PI4KA: variants seen among roughly 807,000 people sequenced by gnomAD.
PI4KA encodes PI4-kinase alpha.
Under a neutral mutation model 271.4 loss-of-function variants are expected in PI4KA, and 122 were observed. That is an observed-to-expected ratio of 0.45 (90% CI 0.39 to 0.52). The LOEUF is 0.52. PI4KA is among the 20% of genes least tolerant of loss of function. The pLI, the probability that PI4KA is intolerant of heterozygous loss-of-function variation, is 0.00. For synonymous variants in PI4KA, 1,041 were observed against 1,078.8 expected, an observed-to-expected ratio of 0.96 and a Z score of 0.69; for missense variants, 1,969 against 2,769.1, an observed-to-expected ratio of 0.71 and a Z score of 6.48.
At chr22:20,846,042 G>A (rs1480098029) in intron 1 of PI4KA, among the ~76,000 whole-genome samples, 1 of 151,648 alleles carries the variant, frequency 6.6e-6, no homozygotes, top group East Asian at 1.9e-4. Flanking sequence ...CGGATCAGGA[G>A]GTCAGGAGAT....
At chr22:20,743,001 A>G (rs951190473) in intron 30 of PI4KA, 3 of 539,338 alleles carry the variant, frequency 5.6e-6, no homozygotes, top group African/African-American at 3.8e-5. Flanking sequence ...ACCACTGCAG[A>G]TGTTCCCCAA....
chr22:20,734,819 C>T (rs1928518724), intron 32 of PI4KA, among the ~76,000 whole-genome samples: 1 of 152,100 alleles, frequency 6.6e-6, no homozygotes, highest in African/African-American at 2.4e-5. Flanking sequence ...GAGGTGGCAG[C>T]ACCCGGGATG....
intron 13 of PI4KA, among the ~76,000 whole-genome samples, chr22:20,802,901 G>C (rs1280747204): frequency 1.3e-5 from 2 of 152,154 alleles, no homozygotes; most frequent in African/African-American, 2.4e-5. Context: ...GCAGGGACTG[G>C]GCCCCTGGCT....
rs1367218096 is a variant in PI4KA, at chr22:20,729,950, T to C, written c.4350A>G (p.Gln1450=). 1 of 1,614,160 alleles carries C rather than the reference T, an allele frequency of 6.2e-7. No homozygotes were observed. The highest frequency in any genetic ancestry group is 8.5e-7 in the Non-Finnish European group (1 of 1,180,010). The change falls in exon 37 of 55, where the codon CAA becomes CAG. Residue 1450 remains glutamine (Q), a synonymous_variant. Transcript: ENST00000255882. The stretch of plus-strand genomic sequence containing the variant: ...ACAGGGGGTATGTGTTGATCCAGCC[T>C]TGGGTGGCTTGTTGCCGAGAGCCGA... ...ITVGSRQQAT[Q]GWINTYPLSS...
chr22:20,781,403 T>C (rs1444712518), intron 19 of PI4KA, among the ~76,000 whole-genome samples: 1 of 152,204 alleles, frequency 6.6e-6, no homozygotes, highest in Non-Finnish European at 1.5e-5. Context: ...CAAAGGGCAG[T>C]ACTTGGAGGC....
At chr22:20,756,431 G>C (rs1351933874) in intron 23 of PI4KA, among the ~76,000 whole-genome samples, 1 of 152,050 alleles carries the variant, frequency 6.6e-6, no homozygotes, top group Admixed American at 6.6e-5. Context: ...TGTTGGTCAG[G>C]CTGGTCTCAA....
intron 10 of PI4KA, among the ~76,000 whole-genome samples, chr22:20,805,850 G>T (rs200580256): frequency 7.0e-6 from 1 of 142,336 alleles, no homozygotes; most frequent in Non-Finnish European, 1.5e-5. Context: ...AAAAAAAAAA[G>T]AAAGAAAAAG....
intron 4 of PI4KA, among the ~76,000 whole-genome samples, chr22:20,823,104 G>T (rs976278377): frequency 3.9e-5 from 6 of 151,924 alleles, no homozygotes; most frequent in Non-Finnish European, 5.9e-5. Context: ...AGTAGAGATG[G>T]GGTTTCTTCA....
At chr22:20,747,138 A>G (rs1930201604) in intron 29 of PI4KA, among the ~76,000 whole-genome samples, 1 of 152,218 alleles carries the variant, frequency 6.6e-6, no homozygotes, top group Non-Finnish European at 1.5e-5. Flanking sequence ...TGTCCTCTAG[A>G]TTAATCTCTA....
intron 1 of PI4KA, among the ~76,000 whole-genome samples, chr22:20,852,107 GA>G (rs1569103446): frequency 1.3e-5 from 2 of 152,156 alleles, no homozygotes; most frequent in Non-Finnish European, 2.9e-5. Context: ...CTGGGTGACA[GA>G]GCAAGACTCC....
intron 19 of PI4KA, 110 bp from the exon 20 acceptor site, chr22:20,765,803 C>T (rs1601438683): frequency 4.2e-6 from 3 of 706,342 alleles, no homozygotes; most frequent in East Asian, 5.3e-5. Flanking sequence ...TTCTCAGAAA[C>T]TCAGACTGGG....
intron 1 of PI4KA, among the ~76,000 whole-genome samples, chr22:20,857,900 T>G (rs1927803694): frequency 6.6e-6 from 1 of 152,200 alleles, no homozygotes; most frequent in African/African-American, 2.4e-5. Flanking sequence ...GACTTCACCT[T>G]TCTCTTCTGA....
chr22:20,763,838 G>C (rs4820591), intron 22 of PI4KA, among the ~76,000 whole-genome samples: 75,527 of 152,062 alleles, frequency 0.5, 19,357 homozygotes, highest in African/African-American at 0.6. Context: ...ACATTTGGCT[G>C]TGTGTGGAGC....
intron 50 of PI4KA, 23 bp downstream of exon 50, chr22:20,712,463 C>G: frequency 6.2e-7 from 1 of 1,606,878 alleles, no homozygotes; most frequent in Non-Finnish European, 8.5e-7. Context: ...CGACCTCCCC[C>G]GGCCTGTGGC....
At chr22:20,795,750 G>GA (rs1279197373) in intron 18 of PI4KA, among the ~76,000 whole-genome samples, 4 of 152,152 alleles carry the variant, frequency 2.6e-5, no homozygotes, top group Non-Finnish European at 5.9e-5. Context: ...GAGATTAGGT[G>GA]AAATCTGGCC....
intron 23 of PI4KA, among the ~76,000 whole-genome samples, chr22:20,756,272 T>G (rs1303752825): frequency 1.3e-5 from 2 of 151,598 alleles, no homozygotes; most frequent in Non-Finnish European, 2.9e-5. Context: ...AGCGCAGTGG[T>G]GCGATCTCAG....
At position 20,764,924 on chromosome 22, in the gene PI4KA, A is replaced by G; in HGVS notation, c.2601T>C (p.Thr867=). 6.2e-7 allele frequency: 1 copy of G among 1,611,284 alleles called. No individual in the cohort carries two copies. The highest frequency in any genetic ancestry group is 8.5e-7 in the Non-Finnish European group (1 of 1,177,972). ...TPAELSELRS[T]IINLLDPPPE... The stretch of plus-strand genomic sequence containing the variant: ...GAGGGGGGTCCAGCAGGTTGATGAT[A>G]GTGCTGCGGAGCTCACTCAGCTCAG... Residue 867 remains threonine (T), a synonymous_variant, in exon 22 of 55, where the codon ACT becomes ACC. Transcript: ENST00000255882.
intron 32 of PI4KA, among the ~76,000 whole-genome samples, chr22:20,739,629 C>T (rs1024802): frequency 1.4e-5 from 1 of 71,424 alleles, no homozygotes; most frequent in Non-Finnish European, 3.3e-5. Context: ...GAAACTGACC[C>T]AAGATGACTC....
chr22:20,767,443 C>CAA, intron 19 of PI4KA, among the ~76,000 whole-genome samples: 1 of 133,074 alleles, frequency 7.5e-6, no homozygotes, highest in African/African-American at 2.7e-5. Context: ...GACTCTGTCT[C>CAA]AAAAAAAAAA....
Sources: allele counts gnomAD v4.1 joint callset (sites outside exome capture counted in the v4.1 genomes callset), GRCh38; gene constraint gnomAD v4.1.1; transcripts MANE v1.5; gene names NCBI Gene and HGNC (gene_info 2026-07-23, HGNC 2026-07-21).